ELOVL6: variants seen among roughly 807,000 people sequenced by gnomAD.
ELOVL6 encodes the protein very long chain fatty acid elongase 6.
Under a neutral mutation model 31.7 loss-of-function variants are expected in ELOVL6, and 8 were observed. The observed-to-expected ratio is 0.25, with a 90% CI of 0.15 to 0.45. The LOEUF (loss-of-function observed/expected upper bound fraction) is 0.45, where lower values mean the gene tolerates loss of function less well. Ranked by LOEUF, ELOVL6 falls within the 20% of genes least tolerant of loss-of-function variation. The pLI is 1.00. For missense variants in ELOVL6, 126 were observed against 326.4 expected (o/e 0.39, Z 4.73); for synonymous variants, 101 against 117.7 (o/e 0.86, Z 0.92).
intron 2 of ELOVL6, among the ~76,000 whole-genome samples, chr4:110,103,205 T>C (rs891933030): frequency 6.6e-5 from 10 of 152,102 alleles, no homozygotes; most frequent in Admixed American, 1.3e-4. Context: ...ATCAGCAGCA[T>C]GAAAACGAAC....
At chr4:110,113,899 A>C (rs957352564) in intron 1 of ELOVL6, among the ~76,000 whole-genome samples, 1 of 152,200 alleles carries the variant, frequency 6.6e-6, no homozygotes, top group Non-Finnish European at 1.5e-5. Context: ...ATTCTACGAG[A>C]AAGGTAGCAT....
In ELOVL6 at chr4:110,181,624, T is replaced by A. The variant is rs143819237; in HGVS notation, c.89+16623A>T. Among the ~76,000 whole-genome samples the A allele has an allele frequency of 8.5e-5, 13 of 152,078 alleles. No homozygotes were observed. In the East Asian group the frequency reaches 2.5e-3, roughly 29 times the overall value. ...ATCAACTACAGGGTTAACTAAGATG[T>A]AAAACAAGGAGGAGAGGAGAGAAAA... On this transcript the variant is annotated intron_variant, in intron 1 of 3. Transcript: ENST00000302274.
chr4:110,198,544 TC>T lies in ELOVL6; in HGVS notation c.-210del. The T allele has an allele frequency of 1.9e-6, 1 of 529,106 alleles. No individual in the cohort carries two copies. Among genetic ancestry groups the T allele is most frequent in the Non-Finnish European group, 3.3e-6 (1 of 301,390 alleles). The allele number at this position is 529,106 out of a possible 1,614,324, so 32.8% of individuals were successfully genotyped here. Reference sequence around the variant, plus strand: ...TGCCTGCGCCTCCGCTCCCAGCTCCTCTCTCTGGGGCTCTCCTCCTCCCGGC... The same window carrying T: ...TGCCTGCGCCTCCGCTCCCAGCTCCTTCTCTGGGGCTCTCCTCCTCCCGGC... On this transcript the variant is annotated 5_prime_UTR_variant, in exon 1 of 4. An upstream open reading frame in the 5' UTR loses its in-frame stop. Coordinates refer to ENST00000302274, the MANE Select transcript of ELOVL6 (RefSeq NM_024090.3).
intron 2 of ELOVL6, among the ~76,000 whole-genome samples, chr4:110,071,931 CTT>C (rs1032494199): frequency 2.0e-5 from 3 of 152,222 alleles, no homozygotes; most frequent in African/African-American, 7.2e-5. Context: ...CTGGTGAACT[CTT>C]TGGCTGATAA....
chr4:110,102,690 T>C (rs1756782194), intron 2 of ELOVL6, among the ~76,000 whole-genome samples: 1 of 151,886 alleles, frequency 6.6e-6, no homozygotes, highest in Admixed American at 6.6e-5. Context: ...TGATAGATTA[T>C]ATATGTATAT....
intron 2 of ELOVL6, among the ~76,000 whole-genome samples, chr4:110,072,126 G>A (rs1448632333): frequency 6.6e-6 from 1 of 152,190 alleles, no homozygotes. Flanking sequence ...CAGCTGACCA[G>A]CACACTCTCA....
chr4:110,052,645 A>G (rs1157156515), intron 3 of ELOVL6, among the ~76,000 whole-genome samples: 2 of 152,206 alleles, frequency 1.3e-5, no homozygotes, highest in African/African-American at 4.8e-5. Context: ...GGTAGATGCT[A>G]TGTATCTGCA....
intron 1 of ELOVL6, among the ~76,000 whole-genome samples, chr4:110,112,978 A>C (rs1388514021): frequency 6.6e-6 from 1 of 152,124 alleles, no homozygotes; most frequent in East Asian, 1.9e-4. Context: ...TAATCCCAGC[A>C]CTTCGGGAGG....
chr4:110,072,704 G>A (rs1318133309), intron 2 of ELOVL6, among the ~76,000 whole-genome samples: 1 of 152,070 alleles, frequency 6.6e-6, no homozygotes, highest in Non-Finnish European at 1.5e-5. Context: ...TCTCTGACCT[G>A]TGGCCAGTTC....
At chr4:110,145,592 T>C (rs1187408291) in intron 1 of ELOVL6, among the ~76,000 whole-genome samples, 1 of 152,166 alleles carries the variant, frequency 6.6e-6, no homozygotes, top group Non-Finnish European at 1.5e-5. Context: ...GGGTTTGAAT[T>C]CTACCTGGAC....
chr4:110,198,099 C>G (rs1477456352), intron 1 of ELOVL6, 148 bp downstream of exon 1: 1 of 551,074 alleles, frequency 1.8e-6, no homozygotes. Flanking sequence ...GCGTCTCCTG[C>G]ACCCGGGAGA....
chr4:110,117,904 ATATATATAT>A (rs1407879170), intron 1 of ELOVL6: 420 of 7,394 alleles, frequency 0.057, 62 homozygotes, highest in African/African-American at 0.15. Context: ...AAAAAAAAAA[ATATATATAT>A]ATATATATAT....
intron 1 of ELOVL6, among the ~76,000 whole-genome samples, chr4:110,157,124 G>C (rs1421999691): frequency 6.6e-6 from 1 of 152,156 alleles, no homozygotes; most frequent in Non-Finnish European, 1.5e-5. Flanking sequence ...TTCTAGCAAG[G>C]CCAAGAAGAA....
intron 1 of ELOVL6, among the ~76,000 whole-genome samples, chr4:110,167,103 A>G (rs938269901): frequency 1.3e-5 from 2 of 152,204 alleles, no homozygotes; most frequent in African/African-American, 2.4e-5. Context: ...ACTTGACCCA[A>G]GAAGACCAAA....
At chr4:110,147,608 G>A (rs1758155042) in intron 1 of ELOVL6, among the ~76,000 whole-genome samples, 1 of 152,108 alleles carries the variant, frequency 6.6e-6, no homozygotes, top group Admixed American at 6.5e-5. Flanking sequence ...TGGGTAACAT[G>A]GTGAAACCCC....
chr4:110,177,194 T>C (rs1279809177), intron 1 of ELOVL6, among the ~76,000 whole-genome samples: 1 of 152,086 alleles, frequency 6.6e-6, no homozygotes, highest in Non-Finnish European at 1.5e-5. Flanking sequence ...ATCCCAGTGA[T>C]TGAGAGGCTA....
intron 1 of ELOVL6, among the ~76,000 whole-genome samples, chr4:110,183,961 AAC>A (rs1712594751): frequency 6.6e-6 from 1 of 152,196 alleles, no homozygotes; most frequent in South Asian, 2.1e-4. Flanking sequence ...CAGCCTAGGC[AAC>A]AGAGTGAGAC....
intron 1 of ELOVL6, among the ~76,000 whole-genome samples, chr4:110,149,450 A>G (rs1758222445): frequency 6.6e-6 from 1 of 152,228 alleles, no homozygotes; most frequent in South Asian, 2.1e-4. Context: ...ACTCAGTCAT[A>G]AAAAGATTGA....
intron 1 of ELOVL6, among the ~76,000 whole-genome samples, chr4:110,138,771 T>C (rs975426439): frequency 2.0e-5 from 3 of 152,120 alleles, no homozygotes; most frequent in Admixed American, 1.3e-4. Flanking sequence ...ACGCAGCTCT[T>C]AAGTGTGTCC....
Sources: gnomAD v4.1 joint callset for allele counts (sites outside exome capture counted in the v4.1 genomes callset) on GRCh38, gnomAD v4.1.1 for gene constraint, MANE v1.5 for transcripts, NCBI Gene and HGNC (gene_info 2026-07-23, HGNC 2026-07-21) for gene names.